Variants in FSIP1 observed in about 807,000 individuals in gnomAD.
FSIP1 encodes fibrous sheath-interacting protein 1.
Under a neutral mutation model 60.9 loss-of-function variants are expected in FSIP1, and 65 were observed. That is an observed-to-expected ratio of 1.07 (90% confidence interval 0.87 to 1.31). FSIP1 has a LOEUF of 1.31. Ranked by LOEUF, FSIP1 falls within the 40% of genes most tolerant of loss-of-function variation. FSIP1 has a pLI of 0.00. For missense variants in FSIP1, 675 were observed against 665.5 expected (o/e 1.01, Z -0.16); for synonymous variants, 209 against 221.2 (o/e 0.94, Z 0.49).
intron 8 of FSIP1, among the ~76,000 whole-genome samples, chr15:39,737,681 TGTATTTTAAGTTCA>T (rs906997780): frequency 4.6e-5 from 7 of 152,180 alleles, no homozygotes; most frequent in Non-Finnish European, 7.4e-5. Context: ...AATTTTAACT[TGTATTTTAAGTTCA>T]GAGGTACATG....
intron 9 of FSIP1, among the ~76,000 whole-genome samples, chr15:39,723,585 C>T (rs1374907641): frequency 1.3e-5 from 2 of 152,152 alleles, no homozygotes; most frequent in African/African-American, 4.8e-5. Flanking sequence ...TCTTTAAGTT[C>T]TGTAAAATTC....
chr15:39,660,151 A>C (rs928146137), intron 10 of FSIP1, among the ~76,000 whole-genome samples: 1 of 152,196 alleles, frequency 6.6e-6, no homozygotes, highest in African/African-American at 2.4e-5. Flanking sequence ...ACAACGTAGT[A>C]AGTAAAACGT....
intron 10 of FSIP1, among the ~76,000 whole-genome samples, chr15:39,645,566 G>A (rs1449570448): frequency 6.6e-6 from 1 of 151,914 alleles, no homozygotes; most frequent in Non-Finnish European, 1.5e-5. Flanking sequence ...CCACGGCACT[G>A]GTGGCTGCAG....
At chr15:39,733,924 G>A (rs1906160) in intron 8 of FSIP1, among the ~76,000 whole-genome samples, 26,230 of 152,032 alleles carry the variant, frequency 0.17, 2,583 homozygotes, top group East Asian at 0.39. Context: ...TTAAGCCACT[G>A]TTACTGGCAG....
chr15:39,661,045 G>C (rs1893276123), intron 10 of FSIP1, among the ~76,000 whole-genome samples: 3 of 152,194 alleles, frequency 2.0e-5, no homozygotes, highest in South Asian at 4.1e-4. Flanking sequence ...CTGAGCAACA[G>C]AGAGAGACTG....
intron 10 of FSIP1, among the ~76,000 whole-genome samples, chr15:39,709,289 C>T (rs1895400791): frequency 6.6e-6 from 1 of 152,182 alleles, no homozygotes; most frequent in South Asian, 2.1e-4. Flanking sequence ...TGTTCCATTG[C>T]AGGAGGCAGA....
chr15:39,725,786 AT>A (rs201621001), intron 9 of FSIP1, among the ~76,000 whole-genome samples: 3,880 of 143,178 alleles, frequency 0.027, 48 homozygotes, highest in Non-Finnish European at 0.034. Context: ...CTTCTACCAG[AT>A]TTTTTTTTTT....
Position 39,741,919 on chromosome 15 carries a change from ACTTGTTCAATGCTC to A in FSIP1, c.560-33_560-20del. 1.5e-6 allele frequency: 2 copies of A among 1,331,506 alleles called. No individual in the cohort carries two copies. The highest frequency in any genetic ancestry group is 2.2e-6 in the Non-Finnish European group (2 of 926,344). The allele number at this position is 1,331,506 out of a possible 1,614,324, so 82.5% of individuals were successfully genotyped here. ...GAAGGACCTGTTGATTTAAAAAATC[ACTTGTTCAATGCTC>A]ACAAAATAAATTAAGTAGTTGTCTA... is the stretch of plus-strand genomic sequence containing the variant. On this transcript the variant is annotated intron_variant, in intron 5 of 11. Transcript: ENST00000350221.
chr15:39,677,950 C>G (rs1356818744), intron 10 of FSIP1, among the ~76,000 whole-genome samples: 9 of 151,076 alleles, frequency 6.0e-5, no homozygotes, highest in Admixed American at 5.9e-4. Context: ...GAGCCAAGAT[C>G]GCACCACTGC....
Position 39,717,357 on chromosome 15 carries a change from C to G in FSIP1, c.1051-3776G>C, listed in dbSNP as rs148165721. Among the ~76,000 whole-genome samples the G allele has an allele frequency of 5.9e-3, 894 of 152,186 alleles. 7 individuals carry two copies. Among genetic ancestry groups the G allele is most frequent in the African/African-American group, 0.02 (842 of 41,530 alleles). On this transcript the variant is annotated intron_variant, in intron 9 of 11. Coordinates refer to ENST00000350221, the MANE Select transcript of FSIP1 (RefSeq NM_152597.5). ...GCTCCATCTTCTGGTTAGGTTTAGTCAAAGTGAGGGGAGAGTACAGGACAG... is the reference window on the plus strand; with the variant it reads ...GCTCCATCTTCTGGTTAGGTTTAGTGAAAGTGAGGGGAGAGTACAGGACAG...
At chr15:39,727,591 G>A (rs772169786) in intron 8 of FSIP1, among the ~76,000 whole-genome samples, 3 of 152,194 alleles carry the variant, frequency 2.0e-5, no homozygotes, top group Non-Finnish European at 4.4e-5. Context: ...CTGAATGGCT[G>A]AACTAAGGAA....
chr15:39,777,790 A>G (rs1898112334), intron 1 of FSIP1, among the ~76,000 whole-genome samples: 1 of 152,224 alleles, frequency 6.6e-6, no homozygotes, highest in Non-Finnish European at 1.5e-5. Context: ...TCAATTATAC[A>G]TTCAACCATA....
intron 10 of FSIP1, among the ~76,000 whole-genome samples, chr15:39,698,780 C>CA (rs1308402498): frequency 3.9e-5 from 6 of 152,208 alleles, no homozygotes; most frequent in African/African-American, 1.4e-4. Flanking sequence ...AAAACTCATT[C>CA]ATTCCCTGAA....
intron 10 of FSIP1, among the ~76,000 whole-genome samples, chr15:39,706,005 A>G (rs1232341829): frequency 6.6e-6 from 1 of 151,954 alleles, no homozygotes; most frequent in East Asian, 1.9e-4. Flanking sequence ...CTCAAAAAAA[A>G]AAAAAAAAAA....
In FSIP1 at chr15:39,745,792, T is replaced by C. The variant is rs529295968; in HGVS notation, c.560-3892A>G. Among the ~76,000 whole-genome samples the C allele has an allele frequency of 5.3e-5, 8 of 152,178 alleles. No individual in the cohort carries two copies. In the South Asian group the frequency reaches 1.7e-3, roughly 32 times the overall value. On this transcript the variant is annotated intron_variant, in intron 5 of 11. Transcript: ENST00000350221. ...ATCCATTTTTTTTTCATCAATGTTA[T>C]AATAAAATGACAGAGCCTGGCGTGG...
chr15:39,669,991 A>G (rs1893652285), intron 10 of FSIP1, among the ~76,000 whole-genome samples: 1 of 152,226 alleles, frequency 6.6e-6, no homozygotes, highest in African/African-American at 2.4e-5. Flanking sequence ...CCTCCCGGAA[A>G]CTGGAAATTA....
chr15:39,627,669 C>T (rs778789969), intron 10 of FSIP1, among the ~76,000 whole-genome samples: 4 of 152,050 alleles, frequency 2.6e-5, no homozygotes, highest in Non-Finnish European at 5.9e-5. Flanking sequence ...CACAAGTCAC[C>T]CACATGGCAT....
intron 9 of FSIP1, among the ~76,000 whole-genome samples, chr15:39,716,454 A>G (rs968449982): frequency 3.3e-5 from 5 of 152,220 alleles, no homozygotes; most frequent in African/African-American, 1.2e-4. Flanking sequence ...TAACACACAA[A>G]TCTGACAGAG....
intron 5 of FSIP1, among the ~76,000 whole-genome samples, chr15:39,751,710 T>C (rs898081772): frequency 6.6e-6 from 1 of 151,836 alleles, no homozygotes; most frequent in East Asian, 1.9e-4. Flanking sequence ...ATAGCAGATA[T>C]GTAGGACTAA....
Sources: gnomAD v4.1 joint callset for allele counts (sites outside exome capture counted in the v4.1 genomes callset) on GRCh38, gnomAD v4.1.1 for gene constraint, MANE v1.5 for transcripts, NCBI Gene and HGNC (gene_info 2026-07-23, HGNC 2026-07-21) for gene names.